The following MAGI1 variants were observed in gnomAD, a reference collection of about 807,000 sequenced individuals.
MAGI1 encodes the protein membrane-associated guanylate kinase, WW and PDZ domain-containing protein 1.
Under a neutral mutation model 139.9 loss-of-function variants are expected in MAGI1, and 58 were observed. That is an observed-to-expected ratio of 0.41 (90% CI 0.34 to 0.52). The LOEUF (loss-of-function observed/expected upper bound fraction) is 0.52. Among genes scored for constraint, MAGI1 ranks in the 20% least tolerant of loss-of-function variants. MAGI1 has a pLI of 0.12. For synonymous variants in MAGI1, 812 were observed against 737.9 expected (o/e 1.10, Z -1.63); for missense variants, 1,874 against 1,901.6 (o/e 0.99, Z 0.27).
intron 1 of MAGI1, among the ~76,000 whole-genome samples, chr3:65,721,864 T>C (rs2033070843): frequency 1.3e-5 from 2 of 151,714 alleles, no homozygotes; most frequent in South Asian, 2.1e-4. Flanking sequence ...TAAGCTTACA[T>C]AGACTTGATT....
chr3:65,615,346 A>C (rs1313831262), intron 2 of MAGI1, among the ~76,000 whole-genome samples: 2 of 152,192 alleles, frequency 1.3e-5, no homozygotes, highest in Non-Finnish European at 2.9e-5. Context: ...AGGGATGGAC[A>C]GTGAATGCAC....
chr3:66,006,316 GAAATCCCACCT>G (rs889624594), intron 1 of MAGI1, among the ~76,000 whole-genome samples: 3 of 152,162 alleles, frequency 2.0e-5, no homozygotes, highest in African/African-American at 7.2e-5. Flanking sequence ...GACAAAAAAT[GAAATCCCACCT>G]TCTAAAGACA....
intron 1 of MAGI1, among the ~76,000 whole-genome samples, chr3:65,932,131 T>C (rs866622661): frequency 6.6e-6 from 1 of 152,182 alleles, no homozygotes; most frequent in South Asian, 2.1e-4. Context: ...ACTAAACTGT[T>C]TTATTTGTTA....
chr3:65,623,128 G>A (rs888227647), intron 1 of MAGI1, among the ~76,000 whole-genome samples: 2 of 152,146 alleles, frequency 1.3e-5, no homozygotes, highest in African/African-American at 4.8e-5. Context: ...GTACAAAAAA[G>A]GACTTGAGCT....
At chr3:65,859,397 G>C (rs1410649706) in intron 1 of MAGI1, among the ~76,000 whole-genome samples, 1 of 151,352 alleles carries the variant, frequency 6.6e-6, no homozygotes, top group Non-Finnish European at 1.5e-5. Flanking sequence ...TTAGCATGGA[G>C]TCACTCATGC....
At chr3:65,461,717 T>C (rs547487519) in intron 5 of MAGI1, among the ~76,000 whole-genome samples, 4 of 152,110 alleles carry the variant, frequency 2.6e-5, no homozygotes, top group South Asian at 2.1e-4. Context: ...CTCGATCTCC[T>C]GACCTCATGA....
At chr3:65,951,039 A>AAGGAAGGAAG (rs2063835091) in intron 1 of MAGI1, among the ~76,000 whole-genome samples, 3 of 83,678 alleles carry the variant, frequency 3.6e-5, no homozygotes, top group African/African-American at 1.2e-4. Flanking sequence ...AAGGAAGGAA[A>AAGGAAGGAAG]GGAGGGAGGG....
At chr3:65,807,772 A>G (rs2040959423) in intron 1 of MAGI1, among the ~76,000 whole-genome samples, 1 of 152,164 alleles carries the variant, frequency 6.6e-6, no homozygotes, top group Non-Finnish European at 1.5e-5. Context: ...TATTAATAAC[A>G]TGTGCTTTAA....
At chr3:65,451,690 G>T (rs572988795) in intron 6 of MAGI1, among the ~76,000 whole-genome samples, 2 of 152,254 alleles carry the variant, frequency 1.3e-5, no homozygotes, top group East Asian at 3.9e-4. Context: ...TGTCACCAAG[G>T]CTGGAATGTA....
At chr3:65,688,220 G>A in intron 1 of MAGI1, 1 of 802,834 alleles carries the variant, frequency 1.2e-6, no homozygotes, top group South Asian at 1.3e-5. Flanking sequence ...TAGAACAGCA[G>A]GACATAGTCT....
At chr3:65,603,517 T>C (rs1004434516) in intron 2 of MAGI1, among the ~76,000 whole-genome samples, 7 of 152,228 alleles carry the variant, frequency 4.6e-5, no homozygotes, top group African/African-American at 9.6e-5. Context: ...GTCTAGTTGA[T>C]TGAACCATAG....
At chr3:65,701,345 CG>C (rs1162305173) in intron 1 of MAGI1, among the ~76,000 whole-genome samples, 1 of 152,146 alleles carries the variant, frequency 6.6e-6, no homozygotes, top group African/African-American at 2.4e-5. Context: ...CTCCACCTCC[CG>C]GGGTCAAGCG....
At chr3:65,410,686 C>T (rs1431040869) in intron 12 of MAGI1, among the ~76,000 whole-genome samples, 1 of 152,088 alleles carries the variant, frequency 6.6e-6, no homozygotes, top group Non-Finnish European at 1.5e-5. Flanking sequence ...TACAGATAGC[C>T]GAAGAGTGTA....
intron 1 of MAGI1, among the ~76,000 whole-genome samples, chr3:65,864,371 G>C (rs1007107972): frequency 6.6e-6 from 1 of 152,186 alleles, no homozygotes; most frequent in African/African-American, 2.4e-5. Flanking sequence ...GTACAGGCCA[G>C]GGTTAATTTC....
chr3:65,363,371 A>G (rs1001565706), intron 21 of MAGI1, 94 bp downstream of exon 21: 2 of 1,370,272 alleles, frequency 1.5e-6, no homozygotes, highest in Non-Finnish European at 2.0e-6. Flanking sequence ...TAGAAAATGT[A>G]GTTCTTATGA....
At chr3:65,628,530 C>T (rs530311667) in intron 1 of MAGI1, among the ~76,000 whole-genome samples, 8 of 151,678 alleles carry the variant, frequency 5.3e-5, no homozygotes, top group African/African-American at 9.7e-5. Context: ...ACCCAGGGCC[C>T]GGGAGTTGGT....
chr3:65,417,642 G>A (rs1946325758), intron 12 of MAGI1, among the ~76,000 whole-genome samples: 1 of 152,010 alleles, frequency 6.6e-6, no homozygotes, highest in African/African-American at 2.4e-5. Flanking sequence ...GCACATTCAT[G>A]TATGATATCA....
At chr3:65,573,962 T>C (rs923638126) in intron 2 of MAGI1, among the ~76,000 whole-genome samples, 2 of 151,962 alleles carry the variant, frequency 1.3e-5, no homozygotes, top group African/African-American at 4.8e-5. Context: ...GTTGAGTAAT[T>C]GCCACAGACA....
chr3:65,949,118 T>A (rs13327096), intron 1 of MAGI1, among the ~76,000 whole-genome samples: 1,966 of 152,276 alleles, frequency 0.013, 41 homozygotes, highest in African/African-American at 0.045. Flanking sequence ...AACATGACAT[T>A]TGGCTATAAA....
Sources: allele counts gnomAD v4.1 joint callset (sites outside exome capture counted in the v4.1 genomes callset), GRCh38; gene constraint gnomAD v4.1.1; transcripts MANE v1.5; gene names NCBI Gene and HGNC (gene_info 2026-07-23, HGNC 2026-07-21).